USH2A: variants seen among roughly 807,000 people sequenced by gnomAD.
The protein encoded by USH2A is Usher syndrome 2A (autosomal recessive, mild).
Under a neutral mutation model 538.9 loss-of-function variants are expected in USH2A, and 443 were observed. The ratio of observed to expected loss-of-function variants is 0.82; its 90% CI spans 0.76 to 0.89. The LOEUF is 0.89. Among genes scored for constraint, USH2A ranks in the 40% least tolerant of loss-of-function variants. The pLI, the probability that USH2A is intolerant of heterozygous loss-of-function variation, is 0.00. For synonymous variants in USH2A, 2,413 were observed against 2,273.5 expected, an observed-to-expected ratio of 1.06 and a Z score of -1.75; for missense variants, 6,633 against 6,324.8, an observed-to-expected ratio of 1.05 and a Z score of -1.65.
At chr1:215,754,084 T>C (rs572202928) in intron 58 of USH2A, among the ~76,000 whole-genome samples, 5 of 152,336 alleles carry the variant, frequency 3.3e-5, no homozygotes, top group Admixed American at 3.3e-4. Flanking sequence ...ATTATATTAC[T>C]TTTTTGAGAT....
chr1:215,628,236 A>G (rs1320212144), intron 71 of USH2A, among the ~76,000 whole-genome samples: 1 of 152,094 alleles, frequency 6.6e-6, no homozygotes, highest in Non-Finnish European at 1.5e-5. Context: ...GCCCATTCCA[A>G]TGTTTCCTGT....
rs145992132 is a variant in USH2A, at chr1:215,807,116, G to A, written c.9739+6620C>T. Among the ~76,000 whole-genome samples the A allele has an allele frequency of 4.9e-3, 752 of 152,138 alleles. 2 individuals are homozygous for A. The highest frequency in any genetic ancestry group is 8.4e-3 in the Non-Finnish European group (570 of 67,978). On this transcript the variant is annotated intron_variant, in intron 49 of 71. Coordinates refer to ENST00000307340, the MANE Select transcript of USH2A (RefSeq NM_206933.4). ...AGTTTAATAATATGAAGTGAGAAAG[G>A]CTCAACTGGTCATTGCTGGCCTGGA...
chr1:215,758,483 G>T, intron 58 of USH2A, 112 bp downstream of exon 58: 1 of 1,349,626 alleles, frequency 7.4e-7, no homozygotes, highest in South Asian at 1.2e-5. Flanking sequence ...TATTTATCCA[G>T]GAGACCGACT....
At position 215,647,709 on chromosome 1, in the gene USH2A, C is replaced by G. The variant is rs267598370; in HGVS notation, c.14604G>C (p.Val4868=). 1 of 1,614,148 alleles carries G rather than the reference C, an allele frequency of 6.2e-7. No individual in the cohort carries two copies. The highest frequency in any genetic ancestry group is 8.5e-7 in the Non-Finnish European group (1 of 1,180,032). ...VIHSYELQFH[V]ACPPDSALPC... The stretch of plus-strand genomic sequence containing the variant: ...GGAGGGCTGAGTCAGGAGGGCAAGC[C>G]ACGTGGAATTGGAGTTCATAGCTAA... The change falls in exon 67 of 72, where the codon GTG becomes GTC. Residue 4868 remains valine, a synonymous_variant. Transcript: ENST00000307340.
chr1:215,889,144 G>A, intron 40 of USH2A, 90 bp from the exon 41 acceptor site: 3 of 1,491,284 alleles, frequency 2.0e-6, no homozygotes, highest in Non-Finnish European at 2.8e-6. Context: ...TCTGCTACAA[G>A]GATATGAAAA....
intron 22 of USH2A, 82 bp from the exon 23 acceptor site, chr1:216,089,221 TAC>T: frequency 3.4e-6 from 5 of 1,452,318 alleles, no homozygotes; most frequent in Non-Finnish European, 4.8e-6. Flanking sequence ...TAAACCAATT[TAC>T]AAGTTTCAAG....
In USH2A at chr1:216,021,213, T is replaced by C. The variant is rs1433881387; in HGVS notation, c.6326-20651A>G. Among the ~76,000 whole-genome samples the C allele has an allele frequency of 2.0e-5, 3 of 152,198 alleles. No homozygotes were observed. The South Asian group carries it at 6.2e-4, about 31-fold the overall frequency. ...CATCTGCCCTGATGTGGTTTGGCTG[T>C]GTCCCTGCCCAGATCTCATCTTGAA... On this transcript the variant is annotated intron_variant, in intron 32 of 71. Transcript: ENST00000307340.
chr1:216,073,372 G>A, intron 27 of USH2A, 72 bp from the exon 28 acceptor site: 1 of 1,507,908 alleles, frequency 6.6e-7, no homozygotes. Context: ...TTTGTCCTCT[G>A]CAGCACTACA....
chr1:216,288,349 C>T (rs2036929778), intron 11 of USH2A, among the ~76,000 whole-genome samples: 1 of 151,672 alleles, frequency 6.6e-6, no homozygotes, highest in African/African-American at 2.4e-5. Context: ...ATGTAATGCC[C>T]CCTTATTGAC....
intron 3 of USH2A, among the ~76,000 whole-genome samples, chr1:216,381,593 G>T (rs1571762428): frequency 6.6e-6 from 1 of 152,120 alleles, no homozygotes. Context: ...CCTCTTTCTA[G>T]CTACCACTTG....
At chr1:215,746,406 T>G (rs1454672196) in intron 58 of USH2A, among the ~76,000 whole-genome samples, 1 of 151,846 alleles carries the variant, frequency 6.6e-6, no homozygotes. Context: ...ATTAAGTGTG[T>G]TACTATCATA....
intron 9 of USH2A, among the ~76,000 whole-genome samples, chr1:216,310,330 G>T (rs932536948): frequency 3.3e-5 from 5 of 151,582 alleles, no homozygotes; most frequent in Non-Finnish European, 5.9e-5. Flanking sequence ...ACTTTTTTGG[G>T]GGTTGCCCTA....
chr1:215,715,012 A>G (rs1474908729), intron 61 of USH2A, among the ~76,000 whole-genome samples: 2 of 152,200 alleles, frequency 1.3e-5, no homozygotes, highest in African/African-American at 4.8e-5. Flanking sequence ...GTTCCGGGAT[A>G]CACGTGCAGG....
intron 3 of USH2A, among the ~76,000 whole-genome samples, chr1:216,410,346 C>A (rs2039467017): frequency 6.6e-6 from 1 of 151,988 alleles, no homozygotes; most frequent in African/African-American, 2.4e-5. Context: ...CAATTCCATT[C>A]CTGCGTATAT....
chr1:215,653,808 G>C (rs541233838), intron 64 of USH2A, among the ~76,000 whole-genome samples: 1 of 152,204 alleles, frequency 6.6e-6, no homozygotes, highest in South Asian at 2.1e-4. Flanking sequence ...ATACTAACAG[G>C]TTATGCTTAT....
At chr1:215,816,052 C>A (rs1170323798) in intron 48 of USH2A, among the ~76,000 whole-genome samples, 3 of 151,966 alleles carry the variant, frequency 2.0e-5, no homozygotes, top group African/African-American at 7.2e-5. Context: ...GAAGTGAATT[C>A]CGTATTTTGC....
intron 47 of USH2A, among the ~76,000 whole-genome samples, chr1:215,829,719 G>T (rs1196712165): frequency 6.6e-6 from 1 of 152,180 alleles, no homozygotes; most frequent in Non-Finnish European, 1.5e-5. Context: ...TTGATTAATG[G>T]CTTGGCAGCC....
chr1:215,781,535 T>A (rs1661635518), intron 54 of USH2A, among the ~76,000 whole-genome samples: 1 of 152,204 alleles, frequency 6.6e-6, no homozygotes, highest in Admixed American at 6.5e-5. Context: ...TCATTCTGTA[T>A]TCTCGGTTCT....
chr1:215,965,866 G>A (rs546556929), intron 36 of USH2A, among the ~76,000 whole-genome samples: 4 of 151,550 alleles, frequency 2.6e-5, no homozygotes, highest in African/African-American at 9.7e-5. Context: ...TTAGGTGGTA[G>A]ACTTCTGGCC....
Sources: allele counts gnomAD v4.1 joint callset (sites outside exome capture counted in the v4.1 genomes callset), GRCh38; gene constraint gnomAD v4.1.1; transcripts MANE v1.5; gene names NCBI Gene and HGNC (gene_info 2026-07-23, HGNC 2026-07-21).